The following PREPL variants were observed in gnomAD, a reference collection of about 807,000 sequenced individuals.
PREPL encodes prolyl endopeptidase-like.
In PREPL, 77 loss-of-function variants were observed where a neutral mutation model predicts 70.6. The ratio of observed to expected loss-of-function variants is 1.09; its 90% CI spans 0.91 to 1.32. The LOEUF (loss-of-function observed/expected upper bound fraction) is 1.32. Ranked by LOEUF, PREPL falls within the 40% of genes most tolerant of loss-of-function variation. The pLI, the probability that PREPL is intolerant of heterozygous loss-of-function variation, is 0.00. For synonymous variants in PREPL, 315 were observed against 264.8 expected (o/e 1.19, Z -1.84); for missense variants, 1,002 against 778.2 (o/e 1.29, Z -3.42).
chr2:44,329,103 A>C lies in PREPL; in HGVS notation c.1096T>G (p.Leu366Val). ...TTGTGGAAAACAGTCATTGGCACTA[A>C]TTTTCCATCCTAGAAATGAAGAATT... ...RLEAKSKDGK[L>V]VPMTVFHKTD... The change falls in exon 9 of 14, where the codon TTA becomes GTA. Residue 366 changes from leucine (L) to valine (V), a missense_variant. By Grantham distance (32) the Leu-to-Val change is conservative. Transcript: ENST00000409411. The C allele has an allele frequency of 6.3e-7, 1 of 1,595,894 alleles. No individual in the cohort carries two copies. Among genetic ancestry groups the C allele is most frequent in the Non-Finnish European group, 8.6e-7 (1 of 1,165,446 alleles).
In PREPL at chr2:44,345,645, C is replaced by T. The variant is rs112050836; in HGVS notation, c.75+623G>A. On this transcript the variant is annotated intron_variant, in intron 2 of 13. Coordinates refer to ENST00000409411, the MANE Select transcript of PREPL (RefSeq NM_001171613.2). ...TTACAGGCGTGAGCCACTGCACGCA[C>T]AGCCCTCAATTCATTTCGACTGACT... Among the ~76,000 whole-genome samples, 257 of 151,950 alleles carry T rather than the reference C, an allele frequency of 1.7e-3. No individual in the cohort carries two copies. The Middle Eastern group carries it at 0.027, about 16-fold the overall frequency.
At position 44,344,577 on chromosome 2, in the gene PREPL, C is replaced by T. The variant is rs775360680; in HGVS notation, c.85G>A (p.Gly29Ser). The T allele has an allele frequency of 6.2e-7, 1 of 1,600,638 alleles. No homozygotes were observed. The highest frequency in any genetic ancestry group is 8.5e-7 in the Non-Finnish European group (1 of 1,173,870). Residue 29 changes from glycine to serine, a missense_variant, in exon 3 of 14, where the codon GGT (glycine) becomes AGT (serine). By Grantham distance (56) the Gly-to-Ser change is moderately conservative. Transcript: ENST00000409411. ...CCTTCTTGGTAATAAACAAAACCAC[C>T]ATGTTTAACCTGACAAAAGAAACAT... ...YEIINVEVKH[G>S]GFVYYQEGCC...
chr2:44,323,194 G>A, intron 11 of PREPL, 68 bp downstream of exon 11: 1 of 1,425,428 alleles, frequency 7.0e-7, no homozygotes, highest in Non-Finnish European at 9.4e-7. Context: ...GCTTCAGCTT[G>A]GATAAGTTTT....
At chr2:44,323,555 G>C in intron 10 of PREPL, 144 bp from the exon 11 acceptor site, 1 of 554,546 alleles carries the variant, frequency 1.8e-6, no homozygotes, top group Non-Finnish European at 2.9e-6. Context: ...AGAATACTCA[G>C]TCCTTAACCA....
At position 44,321,379 on chromosome 2, in the gene PREPL, G is replaced by C; in HGVS notation, c.1894C>G (p.Leu632Val). Residue 632 changes from leucine (L) to valine (V), a missense_variant, in exon 14 of 14, where the codon CTT becomes GTT. Physicochemically the swap from Leu to Val is conservative, Grantham distance 32. Coordinates refer to ENST00000409411, the MANE Select transcript of PREPL (RefSeq NM_001171613.2). Reference sequence around the variant, plus strand: ...TTTCAGAATTTCAGGTATTTCTTAAGATCCTCGAAAACACTGGTGCTGTCA... The same window carrying C: ...TTTCAGAATTTCAGGTATTTCTTAACATCCTCGAAAACACTGGTGCTGTCA... ...GLDSTSVFED[L>V]KKYLKF 6.2e-7 allele frequency: 1 copy of C among 1,610,648 alleles called. No individual in the cohort carries two copies. The highest frequency in any genetic ancestry group is 2.2e-5 in the East Asian group (1 of 44,830).
rs534958909 is a variant in PREPL, at chr2:44,346,124, T to C, written c.75+144A>G. 1.1e-4 allele frequency: 72 copies of C among 659,876 alleles called. No individual in the cohort carries two copies. The Middle Eastern group carries it at 1.3e-3, about 12-fold the overall frequency. 40.9% of individuals were successfully genotyped at this position (659,876 alleles called of 1,614,324 possible). A position where few individuals can be genotyped will look rare whatever the true frequency, so the allele number is the denominator to read the frequency against. On this transcript the variant is annotated intron_variant, in intron 2 of 13. Coordinates refer to ENST00000409411, the MANE Select transcript of PREPL (RefSeq NM_001171613.2). Reference sequence around the variant, plus strand: ...CTGTGATCACAATCTCTGAAATCTTTGCTTTTTAAGTTTTTCAGCATATTT... The same window carrying C: ...CTGTGATCACAATCTCTGAAATCTTCGCTTTTTAAGTTTTTCAGCATATTT...
chr2:44,331,015 T>C (rs985286633), intron 8 of PREPL, among the ~76,000 whole-genome samples: 10 of 152,282 alleles, frequency 6.6e-5, no homozygotes, highest in African/African-American at 2.2e-4. Flanking sequence ...CAATCACAAC[T>C]CACTGCAGCC....
intron 7 of PREPL, among the ~76,000 whole-genome samples, chr2:44,335,400 A>T: frequency 6.6e-6 from 1 of 152,208 alleles, no homozygotes; most frequent in East Asian, 1.9e-4. Flanking sequence ...ATTCTCTCCC[A>T]TTCTTATTCA....
chr2:44,361,235 A>T (rs966252809), intron 1 of PREPL, 145 bp downstream of exon 1: 1 of 152,418 alleles, frequency 6.6e-6, no homozygotes, highest in African/African-American at 2.4e-5. Context: ...AGGCGATCTG[A>T]ATGCAACAGG....
At chr2:44,325,236 T>TA (rs1673379192) in intron 10 of PREPL, among the ~76,000 whole-genome samples, 1 of 152,242 alleles carries the variant, frequency 6.6e-6, no homozygotes, top group Non-Finnish European at 1.5e-5. Flanking sequence ...ACATGTGCTT[T>TA]ACACTCTGCA....
At chr2:44,338,057 G>C (rs962873862) in intron 7 of PREPL, among the ~76,000 whole-genome samples, 2 of 152,134 alleles carry the variant, frequency 1.3e-5, no homozygotes, top group Non-Finnish European at 2.9e-5. Flanking sequence ...TCAAGTTGCA[G>C]AGATATGTGA....
chr2:44,359,969 C>T, intron 1 of PREPL: 1 of 436,948 alleles, frequency 2.3e-6, no homozygotes, highest in Non-Finnish European at 4.1e-6. Flanking sequence ...ACTTAAATGT[C>T]TCATTTGTAA....
Position 44,342,565 on chromosome 2 carries a change from A to C in PREPL, c.350-13T>G. The C allele has an allele frequency of 1.5e-6, 2 of 1,364,428 alleles. No individual in the cohort carries two copies. The highest frequency in any genetic ancestry group is 1.9e-6 in the Non-Finnish European group (2 of 1,037,446). The allele number at this position is 1,364,428 out of a possible 1,614,324, so 84.5% of individuals were successfully genotyped here. ...TCCTTTACCCATTCTGAAAGAAAAT[A>C]ATGAGATAATTATACATAATCACCT... On this transcript the variant is annotated splice_polypyrimidine_tract_variant and intron_variant, in intron 4 of 13. Transcript: ENST00000409411.
At chr2:44,350,554 G>T (rs1269229655) in intron 1 of PREPL, among the ~76,000 whole-genome samples, 1 of 152,112 alleles carries the variant, frequency 6.6e-6, no homozygotes, top group Non-Finnish European at 1.5e-5. Context: ...AAACACCAAT[G>T]AGATTTCCAA....
Position 44,338,392 on chromosome 2 carries a change from T to G in PREPL, c.847A>C (p.Asn283His). The change falls in exon 7 of 14, where the codon AAT (asparagine) becomes CAT (histidine). Residue 283 changes from asparagine to histidine, a missense_variant. Physicochemically the swap from Asn to His is moderately conservative, Grantham distance 68. Transcript: ENST00000409411. Reference protein sequence around the residue: ...FLKHSNLLYVNVIGLADDSVR... With the variant: ...FLKHSNLLYVHVIGLADDSVR... ...GAATCATCAGCCAGACCAATCACAT[T>G]AACATAAAGGAGATTGCTGTGCTTC... 1 of 1,613,148 alleles carries G rather than the reference T, an allele frequency of 6.2e-7. No individual in the cohort carries two copies. The highest frequency in any genetic ancestry group is 8.5e-7 in the Non-Finnish European group (1 of 1,179,776).
intron 10 of PREPL, among the ~76,000 whole-genome samples, 172 bp downstream of exon 10, chr2:44,326,540 G>A (rs917295611): frequency 2.7e-5 from 4 of 150,590 alleles, no homozygotes; most frequent in Non-Finnish European, 5.9e-5. Flanking sequence ...GTCTCGCCAT[G>A]TTGCCCAGGC....
Position 44,346,454 on chromosome 2 carries a change from A to C in PREPL, c.-48-64T>G, listed in dbSNP as rs1006362687. On this transcript the variant is annotated intron_variant, in intron 1 of 13. Coordinates refer to ENST00000409411, the MANE Select transcript of PREPL (RefSeq NM_001171613.2). ...AGGGAAAAAAAACTTTTGCTTTTTA[A>C]AGATAAGTAGGTCTATACCGTAGAC... The C allele has an allele frequency of 5.9e-5, 87 of 1,486,390 alleles. 1 individual carries two copies. Among genetic ancestry groups the C allele is most frequent in the Middle Eastern group, 3.5e-4 (2 of 5,650 alleles). The allele number at this position is 1,486,390 out of a possible 1,614,324, so 92.1% of individuals were successfully genotyped here.
chr2:44,349,685 C>A (rs1676197125), intron 1 of PREPL, among the ~76,000 whole-genome samples: 1 of 152,006 alleles, frequency 6.6e-6, no homozygotes, highest in African/African-American at 2.4e-5. Context: ...GAATACGAGG[C>A]CGGGCGCGGT....
chr2:44,345,854 A>T (rs556625364), intron 2 of PREPL, among the ~76,000 whole-genome samples: 2 of 152,338 alleles, frequency 1.3e-5, no homozygotes, highest in African/African-American at 2.4e-5. Context: ...AAAATTTTTA[A>T]ATCAGTGCTG....
Sources: allele counts gnomAD v4.1 joint callset (sites outside exome capture counted in the v4.1 genomes callset), GRCh38; gene constraint gnomAD v4.1.1; transcripts MANE v1.5; gene names NCBI Gene and HGNC (gene_info 2026-07-23, HGNC 2026-07-21).